The following MARCHF1 variants were observed in gnomAD, a reference collection of about 807,000 sequenced individuals.
MARCHF1 encodes the protein E3 ubiquitin-protein ligase MARCHF1.
A neutral mutation model predicts 54.2 loss-of-function variants in MARCHF1; 40 were observed. That is an observed-to-expected ratio of 0.74 (90% CI 0.57 to 0.96). The LOEUF (loss-of-function observed/expected upper bound fraction) is 0.96, where lower values mean the gene tolerates loss of function less well. MARCHF1 is among the 40% of genes least tolerant of loss of function. MARCHF1 has a pLI of 0.00. For missense variants in MARCHF1, 586 were observed against 656.5 expected, an observed-to-expected ratio of 0.89 and a Z score of 1.17; for synonymous variants, 236 against 236.3, an observed-to-expected ratio of 1.00 and a Z score of 0.01.
At chr4:164,078,258 C>G (rs1755020149) in intron 2 of MARCHF1, among the ~76,000 whole-genome samples, 1 of 152,096 alleles carries the variant, frequency 6.6e-6, no homozygotes, top group Admixed American at 6.6e-5. Context: ...AATCATCATT[C>G]TCAGCAAACT....
chr4:163,967,722 G>A (rs150657843), intron 3 of MARCHF1, among the ~76,000 whole-genome samples: 22 of 152,176 alleles, frequency 1.4e-4, no homozygotes, highest in Admixed American at 3.3e-4. Flanking sequence ...AAAGAGAGGG[G>A]GAATTTGTTA....
chr4:164,000,919 T>A (rs1192629669), intron 2 of MARCHF1, among the ~76,000 whole-genome samples: 4 of 151,726 alleles, frequency 2.6e-5, no homozygotes, highest in Non-Finnish European at 4.4e-5. Context: ...TAGAATTTTT[T>A]AATTATCGGT....
At chr4:164,019,106 A>G (rs1052189544) in intron 2 of MARCHF1, among the ~76,000 whole-genome samples, 3 of 152,192 alleles carry the variant, frequency 2.0e-5, no homozygotes, top group African/African-American at 4.8e-5. Context: ...AATGGGAGGC[A>G]CCAGCAAAGG....
At chr4:163,869,983 C>T (rs1488984814) in intron 3 of MARCHF1, among the ~76,000 whole-genome samples, 1 of 152,036 alleles carries the variant, frequency 6.6e-6, no homozygotes, top group East Asian at 1.9e-4. Flanking sequence ...CTGAGACTGC[C>T]TTTGAATATG....
chr4:164,275,961 TTA>T (rs1733871017), intron 1 of MARCHF1, among the ~76,000 whole-genome samples: 1 of 152,216 alleles, frequency 6.6e-6, no homozygotes, highest in African/African-American at 2.4e-5. Flanking sequence ...ATTCTTTTGT[TTA>T]TATAGTCAAT....
Position 163,526,633 on chromosome 4 carries a change from AGTTT to A in MARCHF1, c.*2111_*2114del, listed in dbSNP as rs1738114538. On this transcript the variant is annotated 3_prime_UTR_variant, in exon 10 of 10. Transcript: ENST00000514618. ...GGCATTTAAGAGGAATTTAATATAC[AGTTT>A]GTTTAAGGTCCACATGTTTTTTAAA... The A allele has an allele frequency of 7.2e-6, 1 of 139,630 alleles. No homozygotes were observed. The highest frequency in any genetic ancestry group is 2.0e-4 in the East Asian group (1 of 5,078). 8.6% of individuals were successfully genotyped at this position (139,630 alleles called of 1,614,324 possible).
intron 2 of MARCHF1, among the ~76,000 whole-genome samples, chr4:164,090,871 C>T (rs1308009893): frequency 6.6e-6 from 1 of 152,118 alleles, no homozygotes; most frequent in African/African-American, 2.4e-5. Context: ...AGGAATAAAA[C>T]ACCAGAACTA....
intron 3 of MARCHF1, among the ~76,000 whole-genome samples, chr4:163,880,869 G>T (rs1560801375): frequency 6.6e-6 from 1 of 152,026 alleles, no homozygotes; most frequent in Non-Finnish European, 1.5e-5. Context: ...TTAAATATTT[G>T]ACATATATCT....
At chr4:164,244,110 A>G (rs1262554467) in intron 1 of MARCHF1, among the ~76,000 whole-genome samples, 2 of 152,060 alleles carry the variant, frequency 1.3e-5, no homozygotes, top group Non-Finnish European at 2.9e-5. Flanking sequence ...AGCGGACCTG[A>G]TAGACATCTA....
At chr4:163,932,358 T>C (rs939884439) in intron 3 of MARCHF1, among the ~76,000 whole-genome samples, 1 of 152,218 alleles carries the variant, frequency 6.6e-6, no homozygotes, top group Non-Finnish European at 1.5e-5. Context: ...TTACCCACAG[T>C]AGAATGTTTT....
intron 1 of MARCHF1, among the ~76,000 whole-genome samples, chr4:164,142,608 G>A (rs913402335): frequency 3.3e-5 from 5 of 152,084 alleles, no homozygotes; most frequent in Admixed American, 6.5e-5. Context: ...TGCAGCTGAG[G>A]GTCCTGTCTG....
intron 8 of MARCHF1, among the ~76,000 whole-genome samples, chr4:163,554,668 T>C (rs1194476307): frequency 6.6e-6 from 1 of 152,162 alleles, no homozygotes; most frequent in Non-Finnish European, 1.5e-5. Flanking sequence ...GTGTCTCTTG[T>C]ATAGAGTTTG....
At chr4:163,776,062 G>T (rs1747296862) in intron 4 of MARCHF1, among the ~76,000 whole-genome samples, 1 of 152,118 alleles carries the variant, frequency 6.6e-6, no homozygotes. Context: ...TGAGGAGATG[G>T]AGAGAAAAAT....
intron 4 of MARCHF1, among the ~76,000 whole-genome samples, chr4:163,743,492 G>A (rs893019639): frequency 3.3e-5 from 5 of 151,948 alleles, no homozygotes; most frequent in African/African-American, 9.7e-5. Flanking sequence ...TGTATAAAGT[G>A]GACACTAATT....
intron 5 of MARCHF1, among the ~76,000 whole-genome samples, chr4:163,629,743 G>A (rs1007932948): frequency 3.3e-5 from 5 of 152,178 alleles, no homozygotes; most frequent in Non-Finnish European, 7.4e-5. Flanking sequence ...GTGAAGGATT[G>A]ATGAGTGCAG....
chr4:163,955,775 C>T (rs996031492), intron 3 of MARCHF1, among the ~76,000 whole-genome samples: 20 of 152,062 alleles, frequency 1.3e-4, no homozygotes, highest in Non-Finnish European at 2.2e-4. Flanking sequence ...GTCCATATTC[C>T]GGTGCCAAGT....
At chr4:164,141,456 AC>A (rs1386411175) in intron 1 of MARCHF1, among the ~76,000 whole-genome samples, 2 of 152,226 alleles carry the variant, frequency 1.3e-5, no homozygotes, top group Admixed American at 1.3e-4. Flanking sequence ...CATCATTTCT[AC>A]TAAAATTAAC....
intron 5 of MARCHF1, among the ~76,000 whole-genome samples, chr4:163,620,634 G>A (rs1560978828): frequency 1.6e-5 from 2 of 128,430 alleles, no homozygotes; most frequent in Non-Finnish European, 3.2e-5. Context: ...GAGAGAGAGA[G>A]AGAGAGAGAG....
chr4:164,376,845 G>C (rs984852978), intron 1 of MARCHF1, among the ~76,000 whole-genome samples: 2 of 152,162 alleles, frequency 1.3e-5, no homozygotes, highest in South Asian at 4.1e-4. Context: ...ATGATTGCCC[G>C]AGCCAGAGCC....
Sources: allele counts gnomAD v4.1 joint callset (sites outside exome capture counted in the v4.1 genomes callset), GRCh38; gene constraint gnomAD v4.1.1; transcripts MANE v1.5; gene names NCBI Gene and HGNC (gene_info 2026-07-23, HGNC 2026-07-21).